Variants in EOGT observed in about 807,000 individuals in gnomAD.
The protein encoded by EOGT is EGF domain specific O-linked N-acetylglucosamine transferase.
Under a neutral mutation model 70.5 loss-of-function variants are expected in EOGT, and 55 were observed. That is an observed-to-expected ratio of 0.78 (90% CI 0.63 to 0.98). The LOEUF (loss-of-function observed/expected upper bound fraction) is 0.98. Ranked by LOEUF, EOGT falls within the 50% of genes least tolerant of loss-of-function variation. The pLI is 0.00. For synonymous variants in EOGT, 246 were observed against 217.1 expected, an observed-to-expected ratio of 1.13 and a Z score of -1.17; for missense variants, 703 against 641.9, an observed-to-expected ratio of 1.10 and a Z score of -1.03.
At chr3:69,012,418 C>T (rs1339497616) in intron 2 of EOGT, 97 bp downstream of exon 2, 1 of 152,222 alleles carries the variant, frequency 6.6e-6, no homozygotes, top group Non-Finnish European at 1.5e-5. Context: ...TTTGACTCGT[C>T]CTTCCCGGTA....
intron 9 of EOGT, among the ~76,000 whole-genome samples, chr3:68,999,628 T>G (rs1454444661): frequency 6.6e-6 from 1 of 152,166 alleles, no homozygotes; most frequent in African/African-American, 2.4e-5. Flanking sequence ...GAAGGGCTAA[T>G]TTTTTCACCC....
intron 14 of EOGT, among the ~76,000 whole-genome samples, chr3:68,985,144 A>T (rs573888601): frequency 6.6e-6 from 1 of 152,314 alleles, no homozygotes; most frequent in East Asian, 1.9e-4. Context: ...TGCACTCAAT[A>T]TGTATGGTCT....
At chr3:69,002,241 C>G (rs1345829433) in intron 8 of EOGT, among the ~76,000 whole-genome samples, 1 of 152,122 alleles carries the variant, frequency 6.6e-6, no homozygotes, top group Non-Finnish European at 1.5e-5. Flanking sequence ...ACAGCCCTGG[C>G]CAACTCAGCC....
chr3:68,993,632 C>T (rs2091059121), intron 10 of EOGT, among the ~76,000 whole-genome samples: 1 of 152,188 alleles, frequency 6.6e-6, no homozygotes, highest in Non-Finnish European at 1.5e-5. Flanking sequence ...TCCACACTTT[C>T]AGGTATCTTT....
intron 10 of EOGT, among the ~76,000 whole-genome samples, chr3:68,989,371 ACT>A (rs1287990467): frequency 6.6e-6 from 1 of 152,082 alleles, no homozygotes; most frequent in Non-Finnish European, 1.5e-5. Context: ...GTTTACACAC[ACT>A]CTTATGCTCA....
chr3:69,010,753 G>T (rs1420059172), intron 3 of EOGT, among the ~76,000 whole-genome samples: 1 of 152,216 alleles, frequency 6.6e-6, no homozygotes, highest in Non-Finnish European at 1.5e-5. Flanking sequence ...ATGATGAGGA[G>T]GGGAAAAGTA....
In EOGT at chr3:69,007,786, C is replaced by CA; in HGVS notation, c.346dup (p.Trp116LeufsTer5). ...GGCATATCCAAAGTCAGCTTGTTTC[C>CA]AAAATATGTCCTCAGCTGACTCAAG... On this transcript the variant is annotated frameshift_variant, in exon 6 of 18. Transcript: ENST00000383701. LOFTEE classifies it high-confidence loss of function. The CA allele has an allele frequency of 6.2e-7, 1 of 1,612,890 alleles. No individual in the cohort carries two copies. Among genetic ancestry groups the CA allele is most frequent in the East Asian group, 2.2e-5 (1 of 44,752 alleles).
rs368061966 is a variant in EOGT at position 69,011,563 on chromosome 3, C to A, written c.-15+373G>T. ...TGAGTCGTGATCTCGCCACTGCACT[C>A]CAGCCTGGGTAATGCGAGGGAGACT... On this transcript the variant is annotated intron_variant, in intron 3 of 17. Transcript: ENST00000383701. 9.5e-5 allele frequency among the ~76,000 whole-genome samples: 14 copies of A among 146,780 alleles called. 1 individual carries two copies. In the South Asian group the frequency reaches 2.8e-3, roughly 30 times the overall value.
At position 69,011,193 on chromosome 3, in the gene EOGT, C is replaced by CTTTTTTTTTTTTTTTTTT. The variant is rs57904466; in HGVS notation, c.-15+742_-15+743insAAAAAAAAAAAAAAAAAA. Among the ~76,000 whole-genome samples the CTTTTTTTTTTTTTTTTTT allele has an allele frequency of 4.2e-4, 47 of 113,104 alleles. 2 individuals are homozygous for CTTTTTTTTTTTTTTTTTT. The highest frequency in any genetic ancestry group is 6.0e-4 in the Admixed American group (6 of 9,956). 74.2% of individuals were successfully genotyped at this position (113,104 alleles called of 152,430 possible). On this transcript the variant is annotated intron_variant, in intron 3 of 17. Transcript: ENST00000383701. ...AGGTCACTTTAGTGGGATCTTTGTTCTTTTTTTTTTTTTAAGTGCTCTTTC... is the reference window on the plus strand; with the variant it reads ...AGGTCACTTTAGTGGGATCTTTGTTCTTTTTTTTTTTTTTTTTTTTTTTTTTTTTTTAAGTGCTCTTTC...
At chr3:68,997,903 T>C (rs1223457032) in intron 10 of EOGT, 108 bp downstream of exon 10, 1 of 681,700 alleles carries the variant, frequency 1.5e-6, no homozygotes, top group African/African-American at 1.8e-5. Context: ...TGTGCGGCTG[T>C]ACATGTTGAA....
Position 68,977,762 on chromosome 3 carries a change from G to A in EOGT, c.1440C>T (p.Gly480=), listed in dbSNP as rs778355816. Residue 480 remains glycine (G), a splice_region_variant and synonymous_variant, in exon 18 of 18, where the codon GGC becomes GGT. Transcript: ENST00000383701. The part of the protein sequence containing the change: ...RQNKVFPQDK[G]HHPTLGEHPK... Reference sequence around the variant, plus strand: ...GGTGCTCCCCCAGGGTTGGATGGTGGCCCTGTGAAAATAAACCAAAACACG... The same window carrying A: ...GGTGCTCCCCCAGGGTTGGATGGTGACCCTGTGAAAATAAACCAAAACACG... The A allele has an allele frequency of 5.6e-6, 9 of 1,608,420 alleles. No homozygotes were observed. The highest frequency in any genetic ancestry group is 5.1e-5 in the Admixed American group (3 of 58,610).
intron 9 of EOGT, among the ~76,000 whole-genome samples, chr3:68,998,419 T>G (rs1310726010): frequency 6.6e-6 from 1 of 152,226 alleles, no homozygotes; most frequent in Admixed American, 6.5e-5. Context: ...GTAGGTCTAT[T>G]TAACTCAAAA....
chr3:68,979,257 T>C (rs960300905), intron 16 of EOGT, among the ~76,000 whole-genome samples: 7 of 152,230 alleles, frequency 4.6e-5, no homozygotes, highest in African/African-American at 1.7e-4. Context: ...TCCCTGTGTA[T>C]GGGATCAGCA....
At chr3:68,995,420 G>A (rs2091116353) in intron 10 of EOGT, among the ~76,000 whole-genome samples, 1 of 152,180 alleles carries the variant, frequency 6.6e-6, no homozygotes, top group South Asian at 2.1e-4. Flanking sequence ...GCAAAGGAAG[G>A]AGGTAACACC....
At chr3:68,983,588 G>C (rs749125152) in intron 14 of EOGT, among the ~76,000 whole-genome samples, 2 of 152,242 alleles carry the variant, frequency 1.3e-5, no homozygotes, top group African/African-American at 2.4e-5. Context: ...ATCAACAGTT[G>C]CAAGTATCAT....
intron 5 of EOGT, 86 bp from the exon 6 acceptor site, chr3:69,007,907 G>T: frequency 1.2e-6 from 1 of 868,850 alleles, no homozygotes; most frequent in Non-Finnish European, 1.8e-6. Flanking sequence ...AAATGCTAGA[G>T]GTTCCTTATT....
chr3:69,008,564 T>TCTAAATGTCAGAAGAAGG, intron 4 of EOGT, 36 bp from the exon 5 acceptor site: 1 of 1,474,694 alleles, frequency 6.8e-7, no homozygotes, highest in Non-Finnish European at 9.5e-7. Flanking sequence ...TCCCTTCTTC[T>TCTAAATGTCAGAAGAAGG]GACATTTAGA....
At chr3:68,989,419 T>C (rs113013611) in intron 10 of EOGT, among the ~76,000 whole-genome samples, 44 of 152,198 alleles carry the variant, frequency 2.9e-4, no homozygotes, top group South Asian at 6.2e-4. Context: ...GAAAAATCTT[T>C]GGAAAAAAAT....
intron 1 of EOGT, among the ~76,000 whole-genome samples, chr3:69,013,341 G>A (rs1462099816): frequency 6.6e-6 from 1 of 151,738 alleles, no homozygotes; most frequent in South Asian, 2.1e-4. Flanking sequence ...CCTGCGCTCC[G>A]GGCGCTGGGA....
Sources: allele counts gnomAD v4.1 joint callset (sites outside exome capture counted in the v4.1 genomes callset), GRCh38; gene constraint gnomAD v4.1.1; transcripts MANE v1.5; gene names NCBI Gene and HGNC (gene_info 2026-07-23, HGNC 2026-07-21).